CTU1: variants seen among roughly 807,000 people sequenced by gnomAD.
The protein encoded by CTU1 is cytoplasmic tRNA 2-thiolation protein 1.
In CTU1, 15 loss-of-function variants were observed where a neutral mutation model predicts 12.9. The observed-to-expected ratio is 1.16, with a 90% confidence interval of 0.78 to 1.79. CTU1 has a LOEUF of 1.79. CTU1 is among the 40% of genes most tolerant of loss of function. CTU1 has a pLI of 0.00. For synonymous variants in CTU1, 295 were observed against 275.6 expected, an observed-to-expected ratio of 1.07 and a Z score of -0.70; for missense variants, 553 against 550.5, an observed-to-expected ratio of 1.00 and a Z score of -0.05.
chr19:51,104,323 G>C lies in CTU1; in HGVS notation c.247C>G (p.Gln83Glu). 6.7e-7 allele frequency: 1 copy of C among 1,484,752 alleles called. No homozygotes were observed. The allele number at this position is 1,484,752 out of a possible 1,614,324, so 92.0% of individuals were successfully genotyped here. ...ATGCCCTCATCGACGGCCACGAGCT[G>C]CAGTGAGATGCCCAGGCGCGGCGCC... ...ALAPRLGISL[Q>E]LVAVDEGIGG... Residue 83 changes from glutamine (Q) to glutamate (E), a missense_variant, in exon 2 of 3, where the codon CAG becomes GAG. Around this residue, in one of 2 missense-constraint regions of CTU1, gnomAD observed 500 missense variants for 458.5 expected, o/e 1.09. Coordinates refer to ENST00000421832, the MANE Select transcript of CTU1 (RefSeq NM_145232.4).
At position 51,104,505 on chromosome 19, in the gene CTU1, C is replaced by A; in HGVS notation, c.65G>T (p.Gly22Val). 7.8e-7 allele frequency: 1 copy of A among 1,287,324 alleles called. No homozygotes were observed. Among genetic ancestry groups the A allele is most frequent in the South Asian group, 2.5e-5 (1 of 40,364 alleles). 79.7% of individuals were successfully genotyped at this position (1,287,324 alleles called of 1,614,324 possible). A position where few individuals can be genotyped will look rare whatever the true frequency, so the allele number is the denominator to read the frequency against. The stretch of plus-strand genomic sequence containing the variant: ...GAAGCAGGCACCGCACAGCGCTTGG[C>A]CCGAGAGCGGACGGCGGAGGGCGGC... ...ARAALRRPLS[G>V]QALCGACFCA... The change falls in exon 2 of 3, where the codon GGC (glycine) becomes GTC (valine). Residue 22 changes from glycine to valine, a missense_variant. Gly to Val is a moderately radical substitution (Grantham distance 109). This residue lies in a region of CTU1 where 500 missense variants were observed against 458.5 expected (regional missense o/e 1.09). Transcript: ENST00000421832.
intron 1 of CTU1, among the ~76,000 whole-genome samples, chr19:51,107,166 A>G (rs956634086): frequency 8.5e-5 from 13 of 152,204 alleles, no homozygotes; most frequent in African/African-American, 1.7e-4. Context: ...CTCATAGGCC[A>G]TGATGTGGAA....
At chr19:51,106,425 A>G (rs570798271) in intron 1 of CTU1, among the ~76,000 whole-genome samples, 1 of 152,232 alleles carries the variant, frequency 6.6e-6, no homozygotes, top group Admixed American at 6.5e-5. Context: ...TTCCTGCTCA[A>G]TTCTCTTTTG....
At chr19:51,107,129 G>C (rs2091922567) in intron 1 of CTU1, among the ~76,000 whole-genome samples, 1 of 152,154 alleles carries the variant, frequency 6.6e-6, no homozygotes, top group African/African-American at 2.4e-5. Context: ...CGCTCGCAGG[G>C]GACAAGGCTG....
At chr19:51,105,333 CCCA>C (rs1345111098) in intron 1 of CTU1, among the ~76,000 whole-genome samples, 4 of 152,052 alleles carry the variant, frequency 2.6e-5, no homozygotes, top group Non-Finnish European at 5.9e-5. Flanking sequence ...ATCAGAATGC[CCCA>C]CAAGCTTCTG....
chr19:51,104,970 TA>T (rs2091916910), intron 1 of CTU1, among the ~76,000 whole-genome samples: 1 of 152,132 alleles, frequency 6.6e-6, no homozygotes, highest in Non-Finnish European at 1.5e-5. Flanking sequence ...CCACCCTTGT[TA>T]CAGTCCTGAT....
chr19:51,107,268 C>T (rs564162254), intron 1 of CTU1, among the ~76,000 whole-genome samples: 1 of 152,230 alleles, frequency 6.6e-6, no homozygotes, highest in Admixed American at 6.5e-5. Flanking sequence ...GATTCCTAGA[C>T]TGGTCAACAT....
chr19:51,100,603 G>GA (rs1209891652), intron 2 of CTU1, among the ~76,000 whole-genome samples: 3 of 151,460 alleles, frequency 2.0e-5, no homozygotes, highest in Non-Finnish European at 4.4e-5. Flanking sequence ...TGTCTCAAAA[G>GA]AAAAAAAAGA....
Position 51,098,937 on chromosome 19 carries a change from G to T in CTU1, c.711C>A (p.Cys237Ter). ...CGCGGAAGGCCTCGGGCGCGTAGAC[G>T]CACTCCTCGGAGAAGTAGTCGAGGC... The part of the protein sequence containing the change: ...FRRLDYFSEE[C>*]VYAPEAFRGH... Residue 237 changes from cysteine (C) to a stop codon, truncating the protein, a stop_gained, in exon 3 of 3, where the codon TGC (cysteine) becomes TGA (stop). Coordinates refer to ENST00000421832, the MANE Select transcript of CTU1 (RefSeq NM_145232.4). LOFTEE classifies it high-confidence loss of function. This position sits in a 1 kb window ranked among gnomAD's most constrained non-coding sequence, Gnocchi z 4.3. The T allele has an allele frequency of 1.3e-6, 2 of 1,537,946 alleles. No individual in the cohort carries two copies. The highest frequency in any genetic ancestry group is 8.7e-7 in the Non-Finnish European group (1 of 1,147,592).
chr19:51,100,190 G>A (rs1032434739), intron 2 of CTU1, among the ~76,000 whole-genome samples: 2 of 152,076 alleles, frequency 1.3e-5, no homozygotes, highest in African/African-American at 4.8e-5. Flanking sequence ...ACACACACAA[G>A]CTCCCTGGGG....
chr19:51,104,460 T>C lies in CTU1; in HGVS notation c.110A>G (p.Glu37Gly). ...GACFCAAFEA[E>G]VLHTVLAGRL... Reference sequence around the variant, plus strand: ...GCCGGCGAGCACCGTGTGCAGCACCTCGGCCTCGAAGGCGGCGCAGAAGCA... The same window carrying C: ...GCCGGCGAGCACCGTGTGCAGCACCCCGGCCTCGAAGGCGGCGCAGAAGCA... The change falls in exon 2 of 3, where the codon GAG (glutamate) becomes GGG (glycine). Residue 37 changes from glutamate (E) to glycine (G), a missense_variant. By Grantham distance (98) the Glu-to-Gly change is moderately conservative (BLOSUM62 -2). Coordinates refer to ENST00000421832, the MANE Select transcript of CTU1 (RefSeq NM_145232.4). 7.7e-7 allele frequency: 1 copy of C among 1,301,500 alleles called. No homozygotes were observed. Among genetic ancestry groups the C allele is most frequent in the Non-Finnish European group, 9.8e-7 (1 of 1,025,350 alleles). The allele number at this position is 1,301,500 out of a possible 1,614,324, so 80.6% of individuals were successfully genotyped here.
Position 51,098,594 on chromosome 19 carries a change from G to T in CTU1, c.*7C>A, listed in dbSNP as rs1199493937. The T allele has an allele frequency of 1.2e-5, 15 of 1,277,238 alleles. No homozygotes were observed. The East Asian group carries it at 2.5e-4, about 22-fold the overall frequency. 79.1% of individuals were successfully genotyped at this position (1,277,238 alleles called of 1,614,324 possible). A position where few individuals can be genotyped will look rare whatever the true frequency, so the allele number is the denominator to read the frequency against. ...GGCATCAGATCCCGGCGGGAGGCCCGAAGTCGCTAGAAGGTGGGGACGGCC... is the reference window on the plus strand; with the variant it reads ...GGCATCAGATCCCGGCGGGAGGCCCTAAGTCGCTAGAAGGTGGGGACGGCC... On this transcript the variant is annotated 3_prime_UTR_variant, in exon 3 of 3. Transcript: ENST00000421832. The surrounding 1 kb of genome is among the most constrained non-coding windows in gnomAD (Gnocchi z 4.3).
At position 51,104,255 on chromosome 19, in the gene CTU1, C is replaced by A. The variant is rs1357784653; in HGVS notation, c.315G>T (p.Gln105His). ...TGAGCGGCAGCTCCCAGCGCGCCGCCTGGCGCCGCACGGCCGCCAACGCCG... is the reference window on the plus strand; with the variant it reads ...TGAGCGGCAGCTCCCAGCGCGCCGCATGGCGCCGCACGGCCGCCAACGCCG... ...RDAALAAVRRQAARWELPLTV... is the reference protein window; with the variant it reads ...RDAALAAVRRHAARWELPLTV... The change falls in exon 2 of 3, where the codon CAG (glutamine) becomes CAT (histidine). Residue 105 changes from glutamine (Q) to histidine (H), a missense_variant. Gln to His is a conservative substitution (Grantham distance 24). Around this residue, in one of 2 missense-constraint regions of CTU1, gnomAD observed 500 missense variants for 458.5 expected, o/e 1.09. Transcript: ENST00000421832. 6.6e-6 allele frequency: 10 copies of A among 1,508,352 alleles called. No individual in the cohort carries two copies. The highest frequency in any genetic ancestry group is 7.9e-6 in the Non-Finnish European group (9 of 1,134,502). 93.4% of individuals were successfully genotyped at this position (1,508,352 alleles called of 1,614,324 possible). A position where few individuals can be genotyped will look rare whatever the true frequency, so the allele number is the denominator to read the frequency against.
At position 51,104,426 on chromosome 19, in the gene CTU1, C is replaced by A; in HGVS notation, c.144G>T (p.Leu48=). ...CCACGGCCACCACCGCGCCGGGCGGCAGCAGGCGGCCGGCGAGCACCGTGT... is the reference window on the plus strand; with the variant it reads ...CCACGGCCACCACCGCGCCGGGCGGAAGCAGGCGGCCGGCGAGCACCGTGT... ...VLHTVLAGRL[L]PPGAVVAVGA... is the part of the protein sequence containing the mutation. Residue 48 remains leucine (L), a synonymous_variant, in exon 2 of 3, where the codon CTG becomes CTT. Coordinates refer to ENST00000421832, the MANE Select transcript of CTU1 (RefSeq NM_145232.4). 8.2e-7 allele frequency: 1 copy of A among 1,222,748 alleles called. No homozygotes were observed. Among genetic ancestry groups the A allele is most frequent in the Non-Finnish European group, 1.0e-6 (1 of 979,956 alleles). The allele number at this position is 1,222,748 out of a possible 1,614,324, so 75.7% of individuals were successfully genotyped here.
Position 51,104,180 on chromosome 19 carries a change from C to T in CTU1, c.390G>A (p.Val130=). Residue 130 remains valine (V), a synonymous_variant, in exon 2 of 3, where the codon GTG becomes GTA. Coordinates refer to ENST00000421832, the MANE Select transcript of CTU1 (RefSeq NM_145232.4). ...DLFGGWTMDA[V]ARSTAGSGRS... The stretch of plus-strand genomic sequence containing the variant: ...GGCCGGAGCCGGCTGTGCTGCGGGC[C>T]ACGGCGTCCATCGTCCAGCCCCCAA... 1 of 1,522,538 alleles carries T rather than the reference C, an allele frequency of 6.6e-7. No homozygotes were observed. The highest frequency in any genetic ancestry group is 8.8e-7 in the Non-Finnish European group (1 of 1,141,424). The allele number at this position is 1,522,538 out of a possible 1,614,324, so 94.3% of individuals were successfully genotyped here. A position where few individuals can be genotyped will look rare whatever the true frequency, so the allele number is the denominator to read the frequency against.
intron 1 of CTU1, among the ~76,000 whole-genome samples, chr19:51,106,362 C>T (rs2091920642): frequency 6.6e-6 from 1 of 152,196 alleles, no homozygotes; most frequent in African/African-American, 2.4e-5. Flanking sequence ...AGCAGCAACT[C>T]TTGGAATCTT....
Position 51,106,212 on chromosome 19 carries a change from C to T in CTU1, c.-21-1622G>A, listed in dbSNP as rs145315644. ...TCCTTCAGCCTTGATGTCGTTTACTCTGACACCTGAGGAATACTCCTGCTC... is the reference window on the plus strand; with the variant it reads ...TCCTTCAGCCTTGATGTCGTTTACTTTGACACCTGAGGAATACTCCTGCTC... On this transcript the variant is annotated intron_variant, in intron 1 of 2. Transcript: ENST00000421832. Among the ~76,000 whole-genome samples, 209 of 152,330 alleles carry T rather than the reference C, an allele frequency of 1.4e-3. 3 individuals carry two copies. The highest frequency in any genetic ancestry group is 4.9e-3 in the African/African-American group (203 of 41,572).
intron 2 of CTU1, among the ~76,000 whole-genome samples, chr19:51,103,065 T>C (rs907148270): frequency 6.6e-6 from 1 of 152,230 alleles, no homozygotes; most frequent in Non-Finnish European, 1.5e-5. Flanking sequence ...ATAGCATGTA[T>C]AAAATGTGTA....
At position 51,108,387 on chromosome 19, in the gene CTU1, A is replaced by G. The variant is rs2091925426; in HGVS notation, c.-62T>C. On this transcript the variant is annotated 5_prime_UTR_variant, in exon 1 of 3. Coordinates refer to ENST00000421832, the MANE Select transcript of CTU1 (RefSeq NM_145232.4). The surrounding 1 kb of genome is among the most constrained non-coding windows in gnomAD (Gnocchi z 4.5). ...TGCTGGGATGCCCACACTGCCCACC[A>G]CGCGGAAGCCTGGCCCGGAAGTGAC... The G allele has an allele frequency of 1.3e-5, 2 of 152,174 alleles. No individual in the cohort carries two copies. The highest frequency in any genetic ancestry group is 2.9e-5 in the Non-Finnish European group (2 of 68,058). 9.4% of individuals were successfully genotyped at this position (152,174 alleles called of 1,614,324 possible). A position where few individuals can be genotyped will look rare whatever the true frequency, so the allele number is the denominator to read the frequency against.
Sources: allele counts gnomAD v4.1 joint callset (sites outside exome capture counted in the v4.1 genomes callset), GRCh38; gene constraint gnomAD v4.1.1; regional missense constraint gnomAD v4.1.1; non-coding constraint Gnocchi (gnomAD v3.1); transcripts MANE v1.5; gene names NCBI Gene and HGNC (gene_info 2026-07-23, HGNC 2026-07-21).